The following CCDC38 variants were observed in gnomAD, a reference collection of about 807,000 sequenced individuals.
CCDC38 encodes coiled-coil domain-containing protein 38.
In CCDC38, 69 loss-of-function variants were observed where a neutral mutation model predicts 72.8. The observed-to-expected ratio is 0.95, with a 90% confidence interval of 0.78 to 1.16. CCDC38 has a LOEUF of 1.16. Ranked by LOEUF, CCDC38 falls within the 50% of genes most tolerant of loss-of-function variation. The pLI is 0.00. For synonymous variants in CCDC38, 201 were observed against 213.2 expected, an observed-to-expected ratio of 0.94 and a Z score of 0.50; for missense variants, 626 against 638.9, an observed-to-expected ratio of 0.98 and a Z score of 0.22.
intron 2 of CCDC38, among the ~76,000 whole-genome samples, chr12:95,924,732 G>T (rs1465287265): frequency 6.6e-6 from 1 of 150,918 alleles, no homozygotes; most frequent in Non-Finnish European, 1.5e-5. Context: ...GGTAAGGAAG[G>T]GATCCAGTTT....
chr12:95,894,324 T>C (rs746366569), intron 8 of CCDC38, among the ~76,000 whole-genome samples: 1 of 152,196 alleles, frequency 6.6e-6, no homozygotes, highest in Non-Finnish European at 1.5e-5. Context: ...CTCTCAGGTT[T>C]TTAGAGGGGA....
At position 95,879,599 on chromosome 12, in the gene CCDC38, A is replaced by C; in HGVS notation, c.1142+45T>G. 2 of 1,398,644 alleles carry C rather than the reference A, an allele frequency of 1.4e-6. No individual in the cohort carries two copies. Among genetic ancestry groups the C allele is most frequent in the Non-Finnish European group, 2.0e-6 (2 of 1,012,048 alleles). The allele number at this position is 1,398,644 out of a possible 1,614,324, so 86.6% of individuals were successfully genotyped here. On this transcript the variant is annotated intron_variant, in intron 12 of 15. Coordinates refer to ENST00000344280, the MANE Select transcript of CCDC38 (RefSeq NM_182496.3). This position sits in a 1 kb window ranked among gnomAD's most constrained non-coding sequence, Gnocchi z 5.5. ...AGTGAGTTGGACCCAGGCTCTGGTT[A>C]GAAATTGCTTAATGGAATAAATCTA... is the stretch of plus-strand genomic sequence containing the variant.
intron 3 of CCDC38, among the ~76,000 whole-genome samples, chr12:95,918,450 G>T (rs1483083971): frequency 6.6e-6 from 1 of 151,904 alleles, no homozygotes; most frequent in Admixed American, 6.6e-5. Context: ...TATTTCTTTG[G>T]CACGCCTCTG....
intron 7 of CCDC38, chr12:95,896,616 C>G (rs1216541058): frequency 1.3e-5 from 2 of 152,246 alleles, no homozygotes; most frequent in Non-Finnish European, 2.9e-5. Flanking sequence ...AGATTGAAAT[C>G]CTCCCAGATA....
chr12:95,922,866 G>GC (rs1461156687), intron 2 of CCDC38, among the ~76,000 whole-genome samples: 2 of 152,100 alleles, frequency 1.3e-5, no homozygotes, highest in African/African-American at 4.8e-5. Context: ...TGCCTGTGAT[G>GC]GTTAATTGTG....
At chr12:95,897,820 T>C (rs1007530718) in intron 7 of CCDC38, among the ~76,000 whole-genome samples, 2 of 152,134 alleles carry the variant, frequency 1.3e-5, no homozygotes, top group Non-Finnish European at 2.9e-5. Context: ...TCACTTGAAC[T>C]CCTGGGCTCA....
chr12:95,889,221 G>A (rs2079796231), intron 9 of CCDC38: 2 of 156,796 alleles, frequency 1.3e-5, no homozygotes, highest in African/African-American at 4.8e-5. Context: ...TGGTGGCCAG[G>A]CTGATGTCGA....
chr12:95,872,142 C>T (rs2079587087), intron 14 of CCDC38, 113 bp downstream of exon 14: 1 of 906,366 alleles, frequency 1.1e-6, no homozygotes, highest in Non-Finnish European at 1.7e-6. Context: ...GATTTCATTC[C>T]TCCTCACTGT....
intron 14 of CCDC38, among the ~76,000 whole-genome samples, chr12:95,871,187 G>A (rs1311072148): frequency 1.3e-5 from 2 of 152,138 alleles, no homozygotes; most frequent in East Asian, 3.8e-4. Flanking sequence ...CTCAAACTAG[G>A]ACAGTAGGCC....
rs754436288 is a variant in CCDC38 at position 95,895,023 on chromosome 12, A to C, written c.738T>G (p.Ser246Arg). ...TTTTTGGAAGGATGATATTTGCTTT[A>C]CTTTTTGATGCCTGTGCTCTTTTTA... ...QALKRAQASK[S>R]KANIILPKIL... Residue 246 changes from serine to arginine, a missense_variant, in exon 8 of 16, where the codon AGT becomes AGG. Physicochemically the swap from Ser to Arg is moderately radical, Grantham distance 110 (BLOSUM62 -1). Coordinates refer to ENST00000344280, the MANE Select transcript of CCDC38 (RefSeq NM_182496.3). 1 of 1,609,552 alleles carries C rather than the reference A, an allele frequency of 6.2e-7. No homozygotes were observed. The highest frequency in any genetic ancestry group is 8.5e-7 in the Non-Finnish European group (1 of 1,178,598).
intron 2 of CCDC38, among the ~76,000 whole-genome samples, chr12:95,927,903 G>T (rs933367901): frequency 6.7e-6 from 1 of 150,158 alleles, no homozygotes; most frequent in African/African-American, 2.5e-5. Flanking sequence ...TCTGCCGAGA[G>T]ATCCACTGTT....
intron 13 of CCDC38, 91 bp from the exon 14 acceptor site, chr12:95,872,551 A>G (rs2079592753): frequency 1.3e-6 from 1 of 766,122 alleles, no homozygotes; most frequent in East Asian, 2.7e-5. Flanking sequence ...TCCCATGTAT[A>G]TGCTATTAAA....
At chr12:95,900,499 A>G (rs1350532746) in intron 5 of CCDC38, among the ~76,000 whole-genome samples, 1 of 152,168 alleles carries the variant, frequency 6.6e-6, no homozygotes, top group East Asian at 1.9e-4. Flanking sequence ...AAAAATTTCA[A>G]CGTGTTATTG....
chr12:95,928,853 G>A (rs1592805138), intron 2 of CCDC38, among the ~76,000 whole-genome samples: 1 of 152,292 alleles, frequency 6.6e-6, no homozygotes, highest in East Asian at 1.9e-4. Context: ...GGCTGCTCGG[G>A]GGTCAGGGGT....
At chr12:95,933,990 A>ACC (rs2080364687) in intron 2 of CCDC38, 1 of 152,190 alleles carries the variant, frequency 6.6e-6, no homozygotes, top group Admixed American at 6.5e-5. Flanking sequence ...CCTGGGCAAC[A>ACC]TGGCAAGACC....
intron 2 of CCDC38, among the ~76,000 whole-genome samples, chr12:95,927,593 G>T (rs1318150811): frequency 1.3e-5 from 2 of 152,006 alleles, no homozygotes; most frequent in African/African-American, 4.8e-5. Flanking sequence ...GATGTTAGCT[G>T]GTTATTTTGC....
At chr12:95,888,089 G>A (rs548964167) in intron 10 of CCDC38, among the ~76,000 whole-genome samples, 1 of 152,190 alleles carries the variant, frequency 6.6e-6, no homozygotes, top group East Asian at 1.9e-4. Flanking sequence ...ATTAAGTGAG[G>A]GGGAAAACAA....
intron 2 of CCDC38, chr12:95,935,617 AAT>A (rs1280452383): frequency 1.5e-5 from 3 of 204,558 alleles, no homozygotes; most frequent in Non-Finnish European, 3.2e-5. Flanking sequence ...TGTAAATACA[AAT>A]AGTGTCAAAT....
intron 1 of CCDC38, among the ~76,000 whole-genome samples, chr12:95,940,901 A>C (rs1043322446): frequency 1.3e-5 from 2 of 150,868 alleles, no homozygotes; most frequent in Non-Finnish European, 3.0e-5. Flanking sequence ...CAAAAAAAAA[A>C]ACTGGAGGTC....
Sources: gnomAD v4.1 joint callset for allele counts (sites outside exome capture counted in the v4.1 genomes callset) on GRCh38, gnomAD v4.1.1 for gene constraint, Gnocchi (gnomAD v3.1) non-coding constraint, MANE v1.5 for transcripts, NCBI Gene and HGNC (gene_info 2026-07-23, HGNC 2026-07-21) for gene names.